RAPGEF2: variants seen among roughly 807,000 people sequenced by gnomAD.
The protein encoded by RAPGEF2 is PDZ domain containing guanine nucleotide exchange factor (GEF) 1.
Under a neutral mutation model 186.7 loss-of-function variants are expected in RAPGEF2, and 54 were observed. The ratio of observed to expected loss-of-function variants is 0.29; its 90% CI spans 0.23 to 0.36. The LOEUF (loss-of-function observed/expected upper bound fraction) is 0.36, where lower values mean the gene tolerates loss of function less well. Ranked by LOEUF, RAPGEF2 falls within the 10% of genes least tolerant of loss-of-function variation. The pLI, the probability that RAPGEF2 is intolerant of heterozygous loss-of-function variation, is 1.00. For missense variants in RAPGEF2, 1,532 were observed against 2,045.0 expected (o/e 0.75, Z 4.84); for synonymous variants, 712 against 705.9 (o/e 1.01, Z -0.14).
rs182439324 is a variant in RAPGEF2 at position 159,109,802 on chromosome 4, A to T, written c.69+5571A>T. Reference sequence around the variant, plus strand: ...GTATTCCAGATTGACCTACTGTCATATGAGTAGCACACCTGGTAAGACAAC... The same window carrying T: ...GTATTCCAGATTGACCTACTGTCATTTGAGTAGCACACCTGGTAAGACAAC... On this transcript the variant is annotated intron_variant, in intron 1 of 29. Coordinates refer to ENST00000691494, the MANE Select transcript of RAPGEF2 (RefSeq NM_001394067.2). 2.6e-5 allele frequency among the ~76,000 whole-genome samples: 4 copies of T among 152,350 alleles called. No individual in the cohort carries two copies. The East Asian group carries it at 5.8e-4, about 22-fold the overall frequency.
chr4:159,258,783 G>A (rs1756475003), intron 7 of RAPGEF2, among the ~76,000 whole-genome samples: 1 of 152,038 alleles, frequency 6.6e-6, no homozygotes, highest in African/African-American at 2.4e-5. Context: ...GATATCTTTG[G>A]ATCAAACTTG....
intron 3 of RAPGEF2, among the ~76,000 whole-genome samples, chr4:159,199,982 T>G (rs1239082600): frequency 6.6e-6 from 1 of 152,170 alleles, no homozygotes; most frequent in African/African-American, 2.4e-5. Context: ...TGTGATAAAT[T>G]GTTCCTTGAG....
Position 159,304,371 on chromosome 4 carries a change from TACTG to T in RAPGEF2, c.576_579del (p.Asp193ValfsTer6). ...CTGCAGATTTCACAAAACTGCATCT[TACTG>T]ACAGTCTCCACCCACAGGTGACCCA... On this transcript the variant is annotated frameshift_variant, in exon 8 of 30. Coordinates refer to ENST00000691494, the MANE Select transcript of RAPGEF2 (RefSeq NM_001394067.2). LOFTEE classifies it high-confidence loss of function. 6.2e-7 allele frequency: 1 copy of T among 1,606,008 alleles called. No individual in the cohort carries two copies. Among genetic ancestry groups the T allele is most frequent in the Non-Finnish European group, 8.5e-7 (1 of 1,173,222 alleles).
chr4:159,140,824 GA>G (rs35688115), intron 1 of RAPGEF2, among the ~76,000 whole-genome samples: 82,787 of 147,698 alleles, frequency 0.56, 23,062 homozygotes, highest in Admixed American at 0.61. Context: ...TTTTTTTCTG[GA>G]AAAAAAAAAA....
At chr4:159,232,097 GC>G (rs1752706217) in intron 4 of RAPGEF2, among the ~76,000 whole-genome samples, 1 of 151,998 alleles carries the variant, frequency 6.6e-6, no homozygotes, top group African/African-American at 2.4e-5. Context: ...TCTTTTCTAA[GC>G]TTTTTTTAAT....
chr4:159,129,898 T>C (rs1011625941), intron 1 of RAPGEF2, among the ~76,000 whole-genome samples: 1 of 152,182 alleles, frequency 6.6e-6, no homozygotes, highest in Admixed American at 6.6e-5. Context: ...GGCTACTCCA[T>C]AGAGCAGCCC....
intron 7 of RAPGEF2, among the ~76,000 whole-genome samples, chr4:159,273,599 A>G (rs1758386133): frequency 6.6e-6 from 1 of 152,102 alleles, no homozygotes; most frequent in Admixed American, 6.5e-5. Flanking sequence ...TCCTTTAACC[A>G]TTTAGCCCTA....
chr4:159,345,407 C>A (rs747464294), intron 24 of RAPGEF2, 78 bp downstream of exon 24: 3 of 1,319,508 alleles, frequency 2.3e-6, no homozygotes, highest in Non-Finnish European at 3.2e-6. Context: ...TGGGCAGTGA[C>A]AAAATAAGGC....
intron 1 of RAPGEF2, among the ~76,000 whole-genome samples, chr4:159,139,333 T>A (rs1426783621): frequency 6.6e-6 from 1 of 152,204 alleles, no homozygotes; most frequent in Non-Finnish European, 1.5e-5. Flanking sequence ...CTCCATTAAG[T>A]GTTTCCATTA....
chr4:159,118,062 G>A (rs368225188), intron 1 of RAPGEF2, among the ~76,000 whole-genome samples: 1 of 151,996 alleles, frequency 6.6e-6, no homozygotes, highest in Admixed American at 6.6e-5. Context: ...TAATGCAGGA[G>A]TACCCAACCC....
chr4:159,149,597 C>G (rs964637753), intron 1 of RAPGEF2, among the ~76,000 whole-genome samples: 1 of 152,160 alleles, frequency 6.6e-6, no homozygotes, highest in African/African-American at 2.4e-5. Context: ...TCTCCTCTCC[C>G]TCATCCTCCT....
Position 159,307,401 on chromosome 4 carries a change from C to G in RAPGEF2, c.675+2928C>G, listed in dbSNP as rs545453765. ...AGTTTACCTCCTCATCACATACACA[C>G]AAACACACCATTTATTCTGAAAGTT... is the stretch of plus-strand genomic sequence containing the variant. On this transcript the variant is annotated intron_variant, in intron 8 of 29. Transcript: ENST00000691494. 6.6e-5 allele frequency among the ~76,000 whole-genome samples: 10 copies of G among 152,274 alleles called. No homozygotes were observed. In the South Asian group the frequency reaches 2.1e-3, roughly 32 times the overall value.
chr4:159,322,259 A>G, intron 9 of RAPGEF2, 88 bp from the exon 10 acceptor site: 2 of 1,261,904 alleles, frequency 1.6e-6, no homozygotes, highest in Non-Finnish European at 2.2e-6. Context: ...TAGGGCATTT[A>G]AAAAGAAAGG....
rs1455123039 is a variant in RAPGEF2, at chr4:159,103,650, C to T, written c.-513C>T. ...GAAGATCCAAGTGATTCTCGGAGAC[C>T]CCTGGGCGGCGGCTGCGCAAGCCCC... is the stretch of plus-strand genomic sequence containing the variant. On this transcript the variant is annotated 5_prime_UTR_variant, in exon 1 of 30. Coordinates refer to ENST00000691494, the MANE Select transcript of RAPGEF2 (RefSeq NM_001394067.2). 2 of 152,592 alleles carry T rather than the reference C, an allele frequency of 1.3e-5. No homozygotes were observed. Among genetic ancestry groups the T allele is most frequent in the Non-Finnish European group, 2.9e-5 (2 of 68,446 alleles). 9.5% of individuals were successfully genotyped at this position (152,592 alleles called of 1,614,324 possible). A position where few individuals can be genotyped will look rare whatever the true frequency, so the allele number is the denominator to read the frequency against.
chr4:159,290,679 T>G (rs1408525306), intron 7 of RAPGEF2, among the ~76,000 whole-genome samples: 1 of 152,102 alleles, frequency 6.6e-6, no homozygotes, highest in East Asian at 1.9e-4. Flanking sequence ...TGAGGGGGTC[T>G]CTTTTAGGTA....
chr4:159,303,500 C>G (rs1413714316), intron 7 of RAPGEF2, among the ~76,000 whole-genome samples: 1 of 151,914 alleles, frequency 6.6e-6, no homozygotes, highest in East Asian at 1.9e-4. Context: ...AATATAATGT[C>G]TTTTTTTATT....
chr4:159,326,249 G>A (rs80092244), intron 11 of RAPGEF2, among the ~76,000 whole-genome samples: 4,125 of 152,218 alleles, frequency 0.027, 187 homozygotes, highest in African/African-American at 0.094. Context: ...AAATACAAAT[G>A]TTAGCTCATC....
In RAPGEF2 at chr4:159,207,423, G is replaced by A. The variant is rs202013830; in HGVS notation, c.198-3077G>A. 7.9e-5 allele frequency among the ~76,000 whole-genome samples: 12 copies of A among 152,244 alleles called. No individual in the cohort carries two copies. In the East Asian group the frequency reaches 1.5e-3, roughly 20 times the overall value. ...TTGTAAGCCTTGTGCTTAATTTGTC[G>A]ATATTATTTTTGCCTTCAGAGTTGA... On this transcript the variant is annotated intron_variant, in intron 3 of 29. Coordinates refer to ENST00000691494, the MANE Select transcript of RAPGEF2 (RefSeq NM_001394067.2).
chr4:159,148,909 A>T (rs2111185098), intron 1 of RAPGEF2, among the ~76,000 whole-genome samples: 1 of 152,342 alleles, frequency 6.6e-6, no homozygotes, highest in Non-Finnish European at 1.5e-5. Flanking sequence ...TTTATTGGAA[A>T]AAGGATGTTG....
Sources: allele counts gnomAD v4.1 joint callset (sites outside exome capture counted in the v4.1 genomes callset), GRCh38; gene constraint gnomAD v4.1.1; transcripts MANE v1.5; gene names NCBI Gene and HGNC (gene_info 2026-07-23, HGNC 2026-07-21).